The following SRGAP3 variants were observed in gnomAD, a reference collection of about 807,000 sequenced individuals.
SRGAP3 encodes SLIT-ROBO Rho GTPase-activating protein 3.
In SRGAP3, 39 loss-of-function variants were observed where a neutral mutation model predicts 121.1. The observed-to-expected ratio is 0.32, with a 90% CI of 0.25 to 0.42. The LOEUF (loss-of-function observed/expected upper bound fraction) is 0.42. Ranked by LOEUF, SRGAP3 falls within the 10% of genes least tolerant of loss-of-function variation. The pLI, the probability that SRGAP3 is intolerant of heterozygous loss-of-function variation, is 1.00. For synonymous variants in SRGAP3, 601 were observed against 570.0 expected (o/e 1.05, Z -0.77); for missense variants, 1,213 against 1,470.6 (o/e 0.82, Z 2.86).
At chr3:9,320,338 A>G (rs945691930) in intron 3 of SRGAP3, among the ~76,000 whole-genome samples, 6 of 152,006 alleles carry the variant, frequency 3.9e-5, no homozygotes, top group East Asian at 1.9e-4. Flanking sequence ...GCAGTACCCA[A>G]TGTTGGAGGT....
Position 9,249,308 on chromosome 3 carries a change from C to T in SRGAP3, c.-357G>A. ...ACACACACATGCACACGTACACACA[C>T]TCACGCATGCACAGGCACACTCACC... On this transcript the variant is annotated 5_prime_UTR_variant, in exon 1 of 22. In the 5' UTR this introduces an upstream ATG that the reference lacks. Coordinates refer to ENST00000383836, the MANE Select transcript of SRGAP3 (RefSeq NM_014850.4). The T allele has an allele frequency of 2.3e-6, 1 of 439,658 alleles. No homozygotes were observed. The highest frequency in any genetic ancestry group is 2.2e-5 in the South Asian group (1 of 44,894). The allele number at this position is 439,658 out of a possible 1,614,324, so 27.2% of individuals were successfully genotyped here.
intron 1 of SRGAP3, among the ~76,000 whole-genome samples, chr3:9,203,549 T>A (rs949018464): frequency 2.0e-5 from 3 of 152,150 alleles, no homozygotes; most frequent in Non-Finnish European, 4.4e-5. Flanking sequence ...AAAGGAGAGA[T>A]CGAGAACTCT....
At chr3:9,168,349 T>C (rs1950865202) in intron 1 of SRGAP3, among the ~76,000 whole-genome samples, 1 of 152,190 alleles carries the variant, frequency 6.6e-6, no homozygotes, top group Non-Finnish European at 1.5e-5. Flanking sequence ...GCTCCAAGTG[T>C]GCTCAGAAGT....
chr3:9,350,620 A>G (rs1432213767), intron 1 of SRGAP3, among the ~76,000 whole-genome samples: 1 of 152,198 alleles, frequency 6.6e-6, no homozygotes, highest in Admixed American at 6.5e-5. Flanking sequence ...TGTAGATGGT[A>G]ATTTGAGGTG....
At chr3:9,141,602 GT>G (rs1949855743) in intron 1 of SRGAP3, among the ~76,000 whole-genome samples, 1 of 123,602 alleles carries the variant, frequency 8.1e-6, no homozygotes, top group African/African-American at 2.9e-5. Flanking sequence ...GTGTGTGTGT[GT>G]TCTTTTCTTT....
At chr3:9,078,957 G>A (rs1307616298) in intron 4 of SRGAP3, among the ~76,000 whole-genome samples, 1 of 152,156 alleles carries the variant, frequency 6.6e-6, no homozygotes, top group African/African-American at 2.4e-5. Flanking sequence ...TAGCTTGTTG[G>A]GATCTGAGGC....
intron 6 of SRGAP3, 75 bp downstream of exon 6, chr3:9,060,155 GC>G: frequency 6.2e-7 from 1 of 1,607,546 alleles, no homozygotes; most frequent in Admixed American, 1.7e-5. Context: ...ACAAAGACCA[GC>G]CCCTCCTTCA....
chr3:9,083,322 A>G (rs1209762627), intron 3 of SRGAP3, among the ~76,000 whole-genome samples: 1 of 152,250 alleles, frequency 6.6e-6, no homozygotes, highest in Non-Finnish European at 1.5e-5. Context: ...AAATTCTAAC[A>G]GCCAGCAGGT....
chr3:9,153,216 T>C (rs1202748288), intron 1 of SRGAP3, among the ~76,000 whole-genome samples: 1 of 152,212 alleles, frequency 6.6e-6, no homozygotes, highest in African/African-American at 2.4e-5. Context: ...CTCCTTCTTT[T>C]GCATTTCCCA....
At chr3:9,147,341 T>C (rs1167766419) in intron 1 of SRGAP3, among the ~76,000 whole-genome samples, 1 of 152,124 alleles carries the variant, frequency 6.6e-6, no homozygotes, top group African/African-American at 2.4e-5. Flanking sequence ...CAAGGGTTGA[T>C]CATACTCCAG....
intron 1 of SRGAP3, among the ~76,000 whole-genome samples, chr3:9,173,229 G>T (rs567791531): frequency 3.3e-5 from 5 of 152,330 alleles, no homozygotes; most frequent in Non-Finnish European, 5.9e-5. Context: ...GCACACAGAT[G>T]TTTGCAAGTG....
intron 1 of SRGAP3, among the ~76,000 whole-genome samples, chr3:9,132,857 T>A (rs556782176): frequency 1.5e-4 from 23 of 149,336 alleles, no homozygotes; most frequent in African/African-American, 4.1e-4. Flanking sequence ...GGGTTTTTTT[T>A]AATATTACAT....
chr3:9,036,870 G>A (rs1019512084), intron 11 of SRGAP3: 4 of 152,174 alleles, frequency 2.6e-5, no homozygotes, highest in Non-Finnish European at 2.9e-5. Flanking sequence ...AAGGTTCTTC[G>A]AAAGTGACCC....
chr3:8,986,039 C>T (rs1247438309), intron 21 of SRGAP3, 107 bp from the exon 22 acceptor site: 1 of 1,564,586 alleles, frequency 6.4e-7, no homozygotes, highest in Non-Finnish European at 8.6e-7. Context: ...AGAAGCCTCG[C>T]GGCAGGGATG....
At chr3:9,202,621 C>T (rs115135246) in intron 1 of SRGAP3, among the ~76,000 whole-genome samples, 113 of 152,316 alleles carry the variant, frequency 7.4e-4, no homozygotes, top group African/African-American at 2.7e-3. Context: ...CACCCTCGAG[C>T]CCCCTCCTGG....
Position 8,982,628 on chromosome 3 carries a change from G to A in SRGAP3, c.*2891C>T, listed in dbSNP as rs1289546220. 1 of 220,078 alleles carries A rather than the reference G, an allele frequency of 4.5e-6. No homozygotes were observed. The highest frequency in any genetic ancestry group is 9.1e-6 in the Non-Finnish European group (1 of 110,104). The allele number at this position is 220,078 out of a possible 1,614,324, so 13.6% of individuals were successfully genotyped here. A position where few individuals can be genotyped will look rare whatever the true frequency, so the allele number is the denominator to read the frequency against. ...CAGGAGTCAGAAAGAGAAAGCCAAT[G>A]TTCAGTGAACGTCGATGGGACTGAG... On this transcript the variant is annotated 3_prime_UTR_variant, in exon 22 of 22. Transcript: ENST00000383836.
intron 14 of SRGAP3, among the ~76,000 whole-genome samples, chr3:9,016,411 G>A (rs1943638574): frequency 6.6e-6 from 1 of 152,084 alleles, no homozygotes; most frequent in Admixed American, 6.5e-5. Context: ...TCACACTCTG[G>A]ATTTGTCTGT....
chr3:9,327,122 T>C (rs1296460583), intron 2 of SRGAP3, among the ~76,000 whole-genome samples: 2 of 151,936 alleles, frequency 1.3e-5, no homozygotes, highest in African/African-American at 4.8e-5. Flanking sequence ...TAGTTTTTAA[T>C]AACATTTTAT....
intron 11 of SRGAP3, 83 bp from the exon 12 acceptor site, chr3:9,032,835 C>G: frequency 8.0e-7 from 1 of 1,244,420 alleles, no homozygotes; most frequent in Non-Finnish European, 1.2e-6. Flanking sequence ...AAACCCACGA[C>G]TAAAGGGGAA....
Sources: gnomAD v4.1 joint callset for allele counts (sites outside exome capture counted in the v4.1 genomes callset) on GRCh38, gnomAD v4.1.1 for gene constraint, MANE v1.5 for transcripts, NCBI Gene and HGNC (gene_info 2026-07-23, HGNC 2026-07-21) for gene names.